IL1RL2: variants seen among roughly 807,000 people sequenced by gnomAD.
IL1RL2 encodes the protein interleukin 1 receptor like 2.
A neutral mutation model predicts 66.8 loss-of-function variants in IL1RL2; 68 were observed. The observed-to-expected ratio is 1.02, with a 90% CI of 0.84 to 1.25. IL1RL2 has a LOEUF of 1.25. Among genes scored for constraint, IL1RL2 ranks in the 50% most tolerant of loss-of-function variants. IL1RL2 has a pLI of 0.00. For missense variants in IL1RL2, 729 were observed against 709.3 expected (o/e 1.03, Z -0.32); for synonymous variants, 305 against 264.6 (o/e 1.15, Z -1.48).
rs186727447 is a variant in IL1RL2, at chr2:102,232,690, A to T, written c.1136-273A>T. On this transcript the variant is annotated intron_variant, in intron 9 of 11. Transcript: ENST00000264257. Reference sequence around the variant, plus strand: ...GACTTAGACTCAAAAGACGTGGGGTAGGGGTAGGGTTAGGGATTGCAGATG... The same window carrying T: ...GACTTAGACTCAAAAGACGTGGGGTTGGGGTAGGGTTAGGGATTGCAGATG... 3.2e-4 allele frequency among the ~76,000 whole-genome samples: 49 copies of T among 152,222 alleles called. No individual in the cohort carries two copies. The East Asian group carries it at 7.9e-3, about 25-fold the overall frequency.
chr2:102,231,412 C>G (rs377573169), intron 9 of IL1RL2, among the ~76,000 whole-genome samples: 1 of 152,090 alleles, frequency 6.6e-6, no homozygotes. Context: ...GCAGGAGAAT[C>G]GCTTGAACCT....
chr2:102,195,629 C>CTTTTTCTTTCTTTCTTTCTT (rs1379287788), intron 4 of IL1RL2, among the ~76,000 whole-genome samples: 1 of 17,322 alleles, frequency 5.8e-5, no homozygotes, highest in African/African-American at 1.3e-4. Context: ...TTCTTTCTTT[C>CTTTTTCTTTCTTTCTTTCTT]TCTCTCTCTC....
At chr2:102,230,018 A>G (rs910201169) in intron 9 of IL1RL2, among the ~76,000 whole-genome samples, 12 of 152,218 alleles carry the variant, frequency 7.9e-5, no homozygotes. Context: ...GAGAAGAGAG[A>G]TAACTAGTGG....
At chr2:102,190,323 G>T (rs542085441) in intron 3 of IL1RL2, among the ~76,000 whole-genome samples, 1 of 152,288 alleles carries the variant, frequency 6.6e-6, no homozygotes, top group South Asian at 2.1e-4. Flanking sequence ...GCCCAATTTC[G>T]TGACTTTCCC....
rs957911002 is a variant in IL1RL2 at position 102,239,455 on chromosome 2, A to G, written c.*214A>G. On this transcript the variant is annotated 3_prime_UTR_variant, in exon 12 of 12. Transcript: ENST00000264257. Reference sequence around the variant, plus strand: ...GCTGGGGCCATCCCCGTGGTCATGGAGGGTGAGAGCTGGGGGTTATCCCCA... The same window carrying G: ...GCTGGGGCCATCCCCGTGGTCATGGGGGGTGAGAGCTGGGGGTTATCCCCA... 6.3e-6 allele frequency: 3 copies of G among 477,536 alleles called. No individual in the cohort carries two copies. Among genetic ancestry groups the G allele is most frequent in the Non-Finnish European group, 1.1e-5 (3 of 260,984 alleles). 29.6% of individuals were successfully genotyped at this position (477,536 alleles called of 1,614,324 possible).
intron 3 of IL1RL2, among the ~76,000 whole-genome samples, 196 bp downstream of exon 3, chr2:102,189,506 A>T (rs1221470543): frequency 1.3e-5 from 2 of 152,248 alleles, no homozygotes; most frequent in Non-Finnish European, 2.9e-5. Context: ...CCTGATATGC[A>T]TCTTTCCCTA....
chr2:102,243,001 A>G (rs1675265555), downstream of IL1RL2, among the ~76,000 whole-genome samples: 1 of 152,228 alleles, frequency 6.6e-6, no homozygotes, highest in South Asian at 2.1e-4. Context: ...ACTCCCACCA[A>G]TGCTGGCTGA....
chr2:102,211,036 G>C (rs11686153), intron 5 of IL1RL2, among the ~76,000 whole-genome samples: 1 of 151,980 alleles, frequency 6.6e-6, no homozygotes. Flanking sequence ...TGAAAGAAAA[G>C]CTGTTGCCTA....
chr2:102,235,780 G>A, intron 11 of IL1RL2: 1 of 985,396 alleles, frequency 1.0e-6, no homozygotes, highest in Non-Finnish European at 1.2e-6. Flanking sequence ...CATTTGCTGT[G>A]TCTGCGTCTC....
intron 9 of IL1RL2, among the ~76,000 whole-genome samples, chr2:102,229,409 T>C (rs2104875355): frequency 6.6e-6 from 1 of 152,336 alleles, no homozygotes; most frequent in Admixed American, 6.5e-5. Context: ...TTTCTCATTT[T>C]AGTCACAGCA....
rs1691284660 is a variant in IL1RL2 at position 102,233,093 on chromosome 2, T to C, written c.1266T>C (p.Phe422=). 6.2e-7 allele frequency: 1 copy of C among 1,613,622 alleles called. No homozygotes were observed. Among genetic ancestry groups the C allele is most frequent in the Non-Finnish European group, 8.5e-7 (1 of 1,179,550 alleles). ...VLERQCGYKL[F]IFGRDEFPGQ... ...AGAGACAATGTGGATATAAGTTGTT[T>C]ATATTCGGCAGAGATGAATTCCCTG... is the stretch of plus-strand genomic sequence containing the variant. Residue 422 remains phenylalanine (F), a synonymous_variant, in exon 10 of 12, where the codon TTT becomes TTC. Transcript: ENST00000264257.
intron 4 of IL1RL2, among the ~76,000 whole-genome samples, chr2:102,199,545 T>C (rs1420161630): frequency 1.3e-5 from 2 of 152,208 alleles, no homozygotes; most frequent in Non-Finnish European, 2.9e-5. Context: ...ATTTTAAATC[T>C]TGTTAGTGAG....
intron 11 of IL1RL2, among the ~76,000 whole-genome samples, chr2:102,236,401 G>A (rs922819177): frequency 1.3e-4 from 20 of 152,262 alleles, no homozygotes; most frequent in Admixed American, 6.5e-4. Context: ...GTTCACAGGC[G>A]ATGGGTGGTA....
At chr2:102,205,539 G>A (rs780696563) in intron 5 of IL1RL2, among the ~76,000 whole-genome samples, 2 of 152,048 alleles carry the variant, frequency 1.3e-5, no homozygotes, top group East Asian at 1.9e-4. Flanking sequence ...TAGGGTAAAC[G>A]TTTTTAAAAT....
At chr2:102,203,523 CT>C (rs34706073) in intron 5 of IL1RL2, among the ~76,000 whole-genome samples, 42,544 of 151,756 alleles carry the variant, frequency 0.28, 6,586 homozygotes, top group East Asian at 0.38. Context: ...CAGTCCTAGA[CT>C]TTTCTTTAAT....
intron 5 of IL1RL2, among the ~76,000 whole-genome samples, chr2:102,206,808 C>T (rs1410057753): frequency 2.0e-5 from 3 of 152,228 alleles, no homozygotes; most frequent in Non-Finnish European, 4.4e-5. Context: ...CTGTGTCCCT[C>T]CCATCATGGC....
At chr2:102,242,941 A>G (rs1397479813), downstream of IL1RL2, among the ~76,000 whole-genome samples, 1 of 152,248 alleles carries the variant, frequency 6.6e-6, no homozygotes, top group Non-Finnish European at 1.5e-5. Flanking sequence ...ATATCTGATC[A>G]TTTGATGCAT....
chr2:102,235,749 C>T, intron 11 of IL1RL2: 1 of 985,418 alleles, frequency 1.0e-6, no homozygotes, highest in Non-Finnish European at 1.2e-6. Context: ...CCAGTGTCTT[C>T]AGGGCCCCAT....
At chr2:102,238,797 T>C (rs889578319) in intron 11 of IL1RL2, among the ~76,000 whole-genome samples, 4 of 152,130 alleles carry the variant, frequency 2.6e-5, no homozygotes, top group Admixed American at 2.6e-4. Flanking sequence ...TTCTGGGAGA[T>C]GGGAACTCTG....
Sources: allele counts gnomAD v4.1 joint callset (sites outside exome capture counted in the v4.1 genomes callset), GRCh38; gene constraint gnomAD v4.1.1; transcripts MANE v1.5; gene names NCBI Gene and HGNC (gene_info 2026-07-23, HGNC 2026-07-21).